The following ARAP2 variants were observed in gnomAD, a reference collection of about 807,000 sequenced individuals.
The protein encoded by ARAP2 is ArfGAP with RhoGAP domain, ankyrin repeat and PH domain 2, also known as arf-GAP with Rho-GAP domain, ANK repeat and PH domain-containing protein 2.
In ARAP2, 148 loss-of-function variants were observed where a neutral mutation model predicts 194.5. That is an observed-to-expected ratio of 0.76 (90% confidence interval 0.67 to 0.87). The LOEUF is 0.87. Among genes scored for constraint, ARAP2 ranks in the 40% least tolerant of loss-of-function variants. ARAP2 has a pLI of 0.00. For missense variants in ARAP2, 2,128 were observed against 1,989.7 expected, an observed-to-expected ratio of 1.07 and a Z score of -1.32; for synonymous variants, 695 against 683.5, an observed-to-expected ratio of 1.02 and a Z score of -0.26.
At chr4:36,079,110 A>G (rs1293945470) in intron 31 of ARAP2, among the ~76,000 whole-genome samples, 2 of 136,334 alleles carry the variant, frequency 1.5e-5, no homozygotes, top group African/African-American at 5.4e-5. Flanking sequence ...GGAGGCAGAG[A>G]TTGCAGTGGG....
intron 15 of ARAP2, among the ~76,000 whole-genome samples, chr4:36,154,562 T>A (rs1227816056): frequency 6.6e-6 from 1 of 152,078 alleles, no homozygotes; most frequent in Admixed American, 6.5e-5. Context: ...TTCAACTGTG[T>A]ACTTAGGTTC....
chr4:36,013,899 CTCA>C (rs1371481194), intron 8 of ARAP2, among the ~76,000 whole-genome samples: 1 of 152,076 alleles, frequency 6.6e-6, no homozygotes, highest in East Asian at 1.9e-4. Context: ...GAACATATTT[CTCA>C]TCAAGAACAG....
chr4:36,029,550 G>A (rs917404179), intron 5 of ARAP2, among the ~76,000 whole-genome samples: 1 of 151,830 alleles, frequency 6.6e-6, no homozygotes, highest in African/African-American at 2.4e-5. Flanking sequence ...TATTTTGGTT[G>A]GAAGGCAATG....
At chr4:36,032,547 T>A (rs181293969) in intron 5 of ARAP2, among the ~76,000 whole-genome samples, 65 of 152,354 alleles carry the variant, frequency 4.3e-4, no homozygotes, top group Non-Finnish European at 6.6e-4. Flanking sequence ...AATTTACTCC[T>A]CTGAAGAGAT....
chr4:36,060,631 G>T (rs941945889), intron 1 of ARAP2, among the ~76,000 whole-genome samples: 1 of 152,062 alleles, frequency 6.6e-6, no homozygotes, highest in African/African-American at 2.4e-5. Context: ...ATAACAAAAC[G>T]CCTGGGTGGC....
At chr4:36,126,772 C>T (rs182854859) in intron 21 of ARAP2, among the ~76,000 whole-genome samples, 2 of 152,202 alleles carry the variant, frequency 1.3e-5, no homozygotes, top group East Asian at 3.9e-4. Context: ...TTCTGGTAGA[C>T]TGACAACAGT....
At chr4:36,206,647 T>C (rs1578273000) in intron 6 of ARAP2, among the ~76,000 whole-genome samples, 2 of 152,372 alleles carry the variant, frequency 1.3e-5, no homozygotes, top group East Asian at 1.9e-4. Context: ...CAGACCTTTT[T>C]GCTCCAATTA....
Position 36,158,742 on chromosome 4 carries a change from T to G in ARAP2, c.2740A>C (p.Lys914Gln), listed in dbSNP as rs1302830237. 2.5e-6 allele frequency: 4 copies of G among 1,603,150 alleles called. No homozygotes were observed. In the African/African-American group the frequency reaches 4.0e-5, roughly 16 times the overall value. The change falls in exon 15 of 33, where the codon AAA becomes CAA. Residue 914 changes from lysine to glutamine, a missense_variant. Coordinates refer to ENST00000303965, the MANE Select transcript of ARAP2 (RefSeq NM_015230.4). Reference protein sequence around the residue: ...SAASKLSSEKKLLEETNKKWC... With the variant: ...SAASKLSSEKQLLEETNKKWC... ...AGAGAAAAAATACCTTCAAGCAGTT[T>G]TTTCTCTGAAGAGAGTTTAGAAGCA...
chr4:36,140,137 A>AACACACACACAC (rs759611545), intron 19 of ARAP2, among the ~76,000 whole-genome samples: 4 of 47,566 alleles, frequency 8.4e-5, no homozygotes, highest in South Asian at 1.0e-3. Context: ...AAACAAAAAC[A>AACACACACACAC]ATACACACAC....
intron 8 of ARAP2, among the ~76,000 whole-genome samples, chr4:36,181,974 G>C (rs1392207865): frequency 6.6e-6 from 1 of 152,170 alleles, no homozygotes; most frequent in Non-Finnish European, 1.5e-5. Flanking sequence ...AAAGAAGCAG[G>C]TCCAGCTGAG....
intron 2 of ARAP2, among the ~76,000 whole-genome samples, chr4:36,222,448 A>G (rs939350569): frequency 3.9e-5 from 6 of 152,024 alleles, no homozygotes; most frequent in Non-Finnish European, 8.8e-5. Context: ...AAAATCAAAC[A>G]TTATACAAGT....
chr4:36,147,208 T>C (rs1729834614), intron 19 of ARAP2, 88 bp downstream of exon 19: 2 of 1,164,658 alleles, frequency 1.7e-6, no homozygotes, highest in Non-Finnish European at 2.5e-6. Flanking sequence ...TTTAAAATAT[T>C]GTTTTCTCCC....
At chr4:36,136,955 CACAT>C (rs936093560) in intron 19 of ARAP2, among the ~76,000 whole-genome samples, 12 of 142,132 alleles carry the variant, frequency 8.4e-5, no homozygotes, top group African/African-American at 3.2e-4. Context: ...CACACACACA[CACAT>C]ATACACGTAT....
intron 31 of ARAP2, among the ~76,000 whole-genome samples, chr4:36,078,961 G>A (rs1457273682): frequency 3.3e-5 from 5 of 151,910 alleles, no homozygotes; most frequent in South Asian, 2.1e-4. Flanking sequence ...ATCACCTGAC[G>A]TCAGAAGTTC....
chr4:36,167,238 T>C (rs1735495053), intron 9 of ARAP2, among the ~76,000 whole-genome samples, 191 bp from the exon 10 acceptor site: 1 of 152,134 alleles, frequency 6.6e-6, no homozygotes, highest in Admixed American at 6.6e-5. Flanking sequence ...ATTGATAGCG[T>C]ATGGGTTTCT....
At chr4:36,062,471 T>C (rs1724604770), downstream of ARAP2, among the ~76,000 whole-genome samples, 1 of 152,186 alleles carries the variant, frequency 6.6e-6, no homozygotes, top group African/African-American at 2.4e-5. Flanking sequence ...TATTACACCG[T>C]CTTGATCTGC....
downstream of ARAP2, among the ~76,000 whole-genome samples, chr4:36,061,220 A>G (rs963443801): frequency 1.3e-5 from 2 of 151,924 alleles, no homozygotes; most frequent in African/African-American, 4.9e-5. Flanking sequence ...CAATCCAGTT[A>G]TACTCTTTTA....
chr4:36,186,768 T>A (rs1474718356), intron 8 of ARAP2, among the ~76,000 whole-genome samples: 1 of 152,262 alleles, frequency 6.6e-6, no homozygotes, highest in Non-Finnish European at 1.5e-5. Flanking sequence ...ATTTAGGTTG[T>A]GTGCTCCTTA....
chr4:36,205,692 T>C (rs1745395578), intron 6 of ARAP2, among the ~76,000 whole-genome samples: 1 of 152,108 alleles, frequency 6.6e-6, no homozygotes, highest in Non-Finnish European at 1.5e-5. Context: ...TTCACAGAGA[T>C]AGTCTTGACC....
Sources: allele counts gnomAD v4.1 joint callset (sites outside exome capture counted in the v4.1 genomes callset), GRCh38; gene constraint gnomAD v4.1.1; transcripts MANE v1.5; gene names NCBI Gene and HGNC (gene_info 2026-07-23, HGNC 2026-07-21).